The following UNC5C variants were observed in gnomAD, a reference collection of about 807,000 sequenced individuals.
UNC5C encodes netrin receptor UNC5C.
In UNC5C, 47 loss-of-function variants were observed where a neutral mutation model predicts 99.8. The observed-to-expected ratio is 0.47, with a 90% CI of 0.37 to 0.60. The LOEUF is 0.60. Among genes scored for constraint, UNC5C ranks in the 20% least tolerant of loss-of-function variants. UNC5C has a pLI of 0.00. For missense variants in UNC5C, 1,062 were observed against 1,165.9 expected, an observed-to-expected ratio of 0.91 and a Z score of 1.30; for synonymous variants, 487 against 452.2, an observed-to-expected ratio of 1.08 and a Z score of -0.98.
intron 3 of UNC5C, 73 bp from the exon 4 acceptor site, chr4:95,278,435 T>A: frequency 8.0e-7 from 1 of 1,254,816 alleles, no homozygotes; most frequent in East Asian, 2.3e-5. Context: ...GTACAAAAAA[T>A]TTTCTGGCTT....
At position 95,319,456 on chromosome 4, in the gene UNC5C, T is replaced by A. The variant is rs189100670; in HGVS notation, c.346+15954A>T. ...CCAAGGCTCCGTCATCAGAATTGCTTTTCATTGCAAGATACTGTATTTCCT... is the reference window on the plus strand; with the variant it reads ...CCAAGGCTCCGTCATCAGAATTGCTATTCATTGCAAGATACTGTATTTCCT... On this transcript the variant is annotated intron_variant, in intron 2 of 15. Transcript: ENST00000453304. 1.8e-3 allele frequency among the ~76,000 whole-genome samples: 268 copies of A among 152,342 alleles called. 2 individuals are homozygous for A. The highest frequency in any genetic ancestry group is 6.1e-3 in the African/African-American group (252 of 41,576).
chr4:95,224,145 T>C (rs942103382), intron 7 of UNC5C, among the ~76,000 whole-genome samples: 5 of 152,122 alleles, frequency 3.3e-5, no homozygotes, highest in Non-Finnish European at 7.4e-5. Flanking sequence ...TAGCTAGGCA[T>C]GGTGGCGCGT....
rs551162382 is a variant in UNC5C at position 95,501,721 on chromosome 4, T to C, written c.124+47013A>G. Among the ~76,000 whole-genome samples the C allele has an allele frequency of 2.0e-5, 3 of 152,264 alleles. No individual in the cohort carries two copies. The South Asian group carries it at 6.2e-4, about 32-fold the overall frequency. On this transcript the variant is annotated intron_variant, in intron 1 of 15. Transcript: ENST00000453304. ...AAATCAGAGAATCCAGGAACACATA[T>C]AAACCCAAGGATTCTTTTGTCTGTT... is the stretch of plus-strand genomic sequence containing the variant.
rs533300947 is a variant in UNC5C at position 95,540,622 on chromosome 4, C to T, written c.124+8112G>A. 2.6e-5 allele frequency among the ~76,000 whole-genome samples: 4 copies of T among 152,308 alleles called. No individual in the cohort carries two copies. The East Asian group carries it at 7.7e-4, about 29-fold the overall frequency. On this transcript the variant is annotated intron_variant, in intron 1 of 15. Transcript: ENST00000453304. ...TTCATTTAGAATGACTTCAAGATTG[C>T]TGCTTGCTAAACTTGAGCACTTCCA...
intron 14 of UNC5C, among the ~76,000 whole-genome samples, chr4:95,176,380 A>C (rs1356267178): frequency 4.0e-5 from 6 of 151,344 alleles, no homozygotes; most frequent in East Asian, 1.9e-4. Context: ...GGTTTTATCT[A>C]CTTTTGGTCT....
At chr4:95,184,970 A>T in intron 13 of UNC5C, 77 bp downstream of exon 13, 1 of 1,371,962 alleles carries the variant, frequency 7.3e-7, no homozygotes, top group Non-Finnish European at 9.6e-7. Flanking sequence ...AAGGAAGGGG[A>T]TTTCCTATGT....
intron 1 of UNC5C, among the ~76,000 whole-genome samples, chr4:95,474,168 C>T (rs1292930444): frequency 6.6e-6 from 1 of 152,066 alleles, no homozygotes; most frequent in African/African-American, 2.4e-5. Context: ...AATGTGATTG[C>T]ATTTCTCAGA....
chr4:95,370,522 G>T (rs1415976323), intron 1 of UNC5C, among the ~76,000 whole-genome samples: 1 of 152,164 alleles, frequency 6.6e-6, no homozygotes, highest in Admixed American at 6.5e-5. Context: ...CTGGTTTCCT[G>T]TCACTGGCTT....
At chr4:95,544,035 T>A (rs997792773) in intron 1 of UNC5C, among the ~76,000 whole-genome samples, 11 of 152,184 alleles carry the variant, frequency 7.2e-5, no homozygotes, top group African/African-American at 2.4e-4. Flanking sequence ...TTCTTTTACA[T>A]CTAGATTTCT....
chr4:95,278,762 G>A (rs1740951908), intron 3 of UNC5C, among the ~76,000 whole-genome samples: 1 of 152,100 alleles, frequency 6.6e-6, no homozygotes, highest in African/African-American at 2.4e-5. Context: ...CTACAGGTGT[G>A]AGCCATGGTG....
chr4:95,428,421 C>T (rs1167403444), intron 1 of UNC5C, among the ~76,000 whole-genome samples: 1 of 152,130 alleles, frequency 6.6e-6, no homozygotes, highest in African/African-American at 2.4e-5. Flanking sequence ...ATTTGATACA[C>T]ATTTTGCCTT....
intron 3 of UNC5C, among the ~76,000 whole-genome samples, chr4:95,301,103 AAAAAAGAAAATT>A (rs1741855263): frequency 6.6e-6 from 1 of 152,188 alleles, no homozygotes; most frequent in African/African-American, 2.4e-5. Context: ...ATTAAAAAAT[AAAAAAGAAAATT>A]AAAAATAAAA....
rs1735926099 is a variant in UNC5C at position 95,168,079 on chromosome 4, A to G, written c.*1155T>C. 6.6e-6 allele frequency: 1 copy of G among 152,210 alleles called. No individual in the cohort carries two copies. Among genetic ancestry groups the G allele is most frequent in the African/African-American group, 2.4e-5 (1 of 41,464 alleles). 9.4% of individuals were successfully genotyped at this position (152,210 alleles called of 1,614,324 possible). A position where few individuals can be genotyped will look rare whatever the true frequency, so the allele number is the denominator to read the frequency against. ...TCCAACCACACTGCCTCTAGAGTAG[A>G]GCACCATAGGGAGTCGACGTGGGGC... On this transcript the variant is annotated 3_prime_UTR_variant, in exon 16 of 16. Transcript: ENST00000453304.
chr4:95,306,012 A>G (rs1401862832), intron 2 of UNC5C, among the ~76,000 whole-genome samples: 2 of 152,182 alleles, frequency 1.3e-5, no homozygotes, highest in Non-Finnish European at 2.9e-5. Context: ...GCACAAATAC[A>G]TGCTTAATCC....
intron 1 of UNC5C, among the ~76,000 whole-genome samples, chr4:95,506,104 C>A (rs1721914240): frequency 6.6e-6 from 1 of 151,934 alleles, no homozygotes; most frequent in Admixed American, 6.6e-5. Flanking sequence ...ATTATGAAAT[C>A]TCAATTTTCA....
intron 1 of UNC5C, among the ~76,000 whole-genome samples, chr4:95,404,306 C>T (rs1370613689): frequency 6.6e-6 from 1 of 151,960 alleles, no homozygotes; most frequent in Admixed American, 6.6e-5. Flanking sequence ...TGATTAGCTG[C>T]TGGTATTGAT....
chr4:95,516,533 T>G (rs75671111), intron 1 of UNC5C, among the ~76,000 whole-genome samples: 4,560 of 152,290 alleles, frequency 0.03, 77 homozygotes, highest in Non-Finnish European at 0.042. Flanking sequence ...GACATTTGAT[T>G]GGTGTATGGT....
At chr4:95,171,448 T>A (rs1370598942) in intron 14 of UNC5C, among the ~76,000 whole-genome samples, 1 of 147,228 alleles carries the variant, frequency 6.8e-6, no homozygotes, top group East Asian at 2.1e-4. Context: ...TGTCCATGTG[T>A]TCTCATTGTT....
chr4:95,176,998 C>T (rs548895253), intron 14 of UNC5C, among the ~76,000 whole-genome samples: 39 of 152,272 alleles, frequency 2.6e-4, no homozygotes, highest in African/African-American at 8.9e-4. Flanking sequence ...GGGAGTGACC[C>T]GATTTTCCAG....
Sources: allele counts gnomAD v4.1 joint callset (sites outside exome capture counted in the v4.1 genomes callset), GRCh38; gene constraint gnomAD v4.1.1; transcripts MANE v1.5; gene names NCBI Gene and HGNC (gene_info 2026-07-23, HGNC 2026-07-21).